METTL16: variants seen among roughly 807,000 people sequenced by gnomAD.
METTL16 encodes the protein methyltransferase 16, RNA N6-adenosine, also known as RNA N(6)-adenosine-methyltransferase METTL16.
Under a neutral mutation model 57.9 loss-of-function variants are expected in METTL16, and 19 were observed. The observed-to-expected ratio is 0.33, with a 90% CI of 0.23 to 0.48. The LOEUF (loss-of-function observed/expected upper bound fraction) is 0.48. METTL16 is among the 20% of genes least tolerant of loss of function. The pLI is 0.99. For missense variants in METTL16, 434 were observed against 691.5 expected, an observed-to-expected ratio of 0.63 and a Z score of 4.18; for synonymous variants, 246 against 255.6, an observed-to-expected ratio of 0.96 and a Z score of 0.36.
intron 1 of METTL16, among the ~76,000 whole-genome samples, chr17:2,503,953 T>C (rs1209046225): frequency 6.6e-6 from 1 of 151,936 alleles, no homozygotes; most frequent in Non-Finnish European, 1.5e-5. Flanking sequence ...ACAATACATA[T>C]GATCAACAAA....
At chr17:2,434,752 T>G (rs999048487) in intron 8 of METTL16, among the ~76,000 whole-genome samples, 2 of 152,118 alleles carry the variant, frequency 1.3e-5, no homozygotes, top group Non-Finnish European at 2.9e-5. Context: ...GCCTAATTAA[T>G]TTGACACCTC....
intron 2 of METTL16, among the ~76,000 whole-genome samples, chr17:2,492,157 G>A (rs2067401510): frequency 6.6e-6 from 1 of 151,906 alleles, no homozygotes; most frequent in South Asian, 2.1e-4. Context: ...CTTGCAGTGA[G>A]CCGAGATTGC....
At chr17:2,445,277 G>A (rs1376412482) in intron 6 of METTL16, among the ~76,000 whole-genome samples, 1 of 152,090 alleles carries the variant, frequency 6.6e-6, no homozygotes, top group Non-Finnish European at 1.5e-5. Flanking sequence ...CAGGTTTGTA[G>A]CCTAGAAAAC....
chr17:2,501,820 T>C (rs952551339), intron 2 of METTL16, among the ~76,000 whole-genome samples: 1 of 151,316 alleles, frequency 6.6e-6, no homozygotes, highest in Non-Finnish European at 1.5e-5. Context: ...ATCATGCCAC[T>C]GTACTCTAGC....
At position 2,419,328 on chromosome 17, in the gene METTL16, C is replaced by G; in HGVS notation, c.*642G>C. ...GCCTCAGTCACACCGGGGAGTTTTG[C>G]TTACCTAATTCTGCTTCTGAAATAA... On this transcript the variant is annotated 3_prime_UTR_variant, in exon 10 of 10. Transcript: ENST00000263092. 1 of 232,910 alleles carries G rather than the reference C, an allele frequency of 4.3e-6. No homozygotes were observed. Among genetic ancestry groups the G allele is most frequent in the Non-Finnish European group, 8.7e-6 (1 of 114,398 alleles). 14.4% of individuals were successfully genotyped at this position (232,910 alleles called of 1,614,324 possible).
At chr17:2,460,797 AT>A (rs2067144496) in intron 6 of METTL16, among the ~76,000 whole-genome samples, 1 of 151,854 alleles carries the variant, frequency 6.6e-6, no homozygotes. Flanking sequence ...AGGCAGGAGA[AT>A]CACTTGAACC....
Position 2,477,734 on chromosome 17 carries a change from C to A in METTL16, c.280G>T (p.Gly94Cys). Residue 94 changes from glycine (G) to cysteine (C), a missense_variant, in exon 3 of 10, where the codon GGT becomes TGT. By Grantham distance (159) the Gly-to-Cys change is radical. Coordinates refer to ENST00000263092, the MANE Select transcript of METTL16 (RefSeq NM_024086.4). ...GTACTTTTGTCAGAATCCTGGTGAC[C>A]GATCAGATCTTCTACCCAGTGAATA... is the stretch of plus-strand genomic sequence containing the variant. ...NYIHWVEDLI[G>C]HQDSDKSTLR... 1 of 1,613,886 alleles carries A rather than the reference C, an allele frequency of 6.2e-7. No individual in the cohort carries two copies. The highest frequency in any genetic ancestry group is 8.5e-7 in the Non-Finnish European group (1 of 1,179,830).
intron 1 of METTL16, among the ~76,000 whole-genome samples, chr17:2,509,784 G>A (rs1376916141): frequency 6.6e-6 from 1 of 152,060 alleles, no homozygotes; most frequent in African/African-American, 2.4e-5. Flanking sequence ...GTGGTGGCAT[G>A]TGCCTGAAGT....
At chr17:2,441,464 C>T (rs749376998) in intron 7 of METTL16, 26 bp downstream of exon 7, 14 of 1,532,074 alleles carry the variant, frequency 9.1e-6, no homozygotes, top group African/African-American at 4.2e-5. Flanking sequence ...AGTAGCTACA[C>T]GAGAACAGTA....
intron 5 of METTL16, 32 bp downstream of exon 5, chr17:2,467,729 A>G (rs1351498857): frequency 5.8e-6 from 9 of 1,552,962 alleles, no homozygotes; most frequent in Non-Finnish European, 8.0e-6. Context: ...CCCAGCCTAT[A>G]TTCAATTATT....
intron 8 of METTL16, among the ~76,000 whole-genome samples, chr17:2,432,337 G>A (rs1274220937): frequency 1.3e-5 from 2 of 152,168 alleles, no homozygotes; most frequent in Non-Finnish European, 2.9e-5. Flanking sequence ...GGAGGCCGAG[G>A]AAGGTGGATC....
At chr17:2,451,325 T>G (rs1207340011) in intron 6 of METTL16, among the ~76,000 whole-genome samples, 1 of 152,152 alleles carries the variant, frequency 6.6e-6, no homozygotes, top group Non-Finnish European at 1.5e-5. Context: ...TATGTTCCCT[T>G]TAAGAAAGTA....
At chr17:2,427,828 T>C (rs936553106) in intron 8 of METTL16, among the ~76,000 whole-genome samples, 1 of 151,706 alleles carries the variant, frequency 6.6e-6, no homozygotes, top group Non-Finnish European at 1.5e-5. Context: ...TATCAGCAAG[T>C]ATATGCTGGG....
chr17:2,473,785 C>A, intron 3 of METTL16, 121 bp from the exon 4 acceptor site: 1 of 1,067,788 alleles, frequency 9.4e-7, no homozygotes, highest in Non-Finnish European at 1.3e-6. Context: ...GTCGCCCAGG[C>A]TACAGTGCAG....
chr17:2,496,934 T>C (rs1235080720), intron 2 of METTL16, among the ~76,000 whole-genome samples: 1 of 151,670 alleles, frequency 6.6e-6, no homozygotes, highest in Non-Finnish European at 1.5e-5. Context: ...CTATGAGAAA[T>C]AAATTTCTGT....
chr17:2,428,413 G>C (rs2066835681), intron 8 of METTL16, among the ~76,000 whole-genome samples: 1 of 150,762 alleles, frequency 6.6e-6, no homozygotes, highest in African/African-American at 2.4e-5. Flanking sequence ...CCTCAGTAGA[G>C]ATAGTAAGTG....
intron 6 of METTL16, among the ~76,000 whole-genome samples, chr17:2,463,730 G>C (rs2067170268): frequency 6.6e-6 from 1 of 151,912 alleles, no homozygotes; most frequent in Non-Finnish European, 1.5e-5. Context: ...AAAGTGCTGG[G>C]ATTACAGGTG....
intron 2 of METTL16, among the ~76,000 whole-genome samples, chr17:2,499,024 A>C (rs1178689295): frequency 1.3e-5 from 2 of 151,550 alleles, no homozygotes; most frequent in Non-Finnish European, 2.9e-5. Flanking sequence ...CTTAAAACAC[A>C]ACCAAGAGAC....
At chr17:2,432,310 G>A (rs1033872927) in intron 8 of METTL16, among the ~76,000 whole-genome samples, 2 of 152,166 alleles carry the variant, frequency 1.3e-5, no homozygotes, top group Non-Finnish European at 2.9e-5. Context: ...GCTTATGCCT[G>A]TAATCCCAGC....
Sources: allele counts gnomAD v4.1 joint callset (sites outside exome capture counted in the v4.1 genomes callset), GRCh38; gene constraint gnomAD v4.1.1; transcripts MANE v1.5; gene names NCBI Gene and HGNC (gene_info 2026-07-23, HGNC 2026-07-21).